The following RAB3GAP2 variants were observed in gnomAD, a reference collection of about 807,000 sequenced individuals.
The protein encoded by RAB3GAP2 is RAB3 GTPase activating non-catalytic protein subunit 2, also known as rab3 GTPase-activating protein non-catalytic subunit.
In RAB3GAP2, 87 loss-of-function variants were observed where a neutral mutation model predicts 185.3. The observed-to-expected ratio is 0.47, with a 90% CI of 0.39 to 0.56. RAB3GAP2 has a LOEUF of 0.56. Among genes scored for constraint, RAB3GAP2 ranks in the 20% least tolerant of loss-of-function variants. RAB3GAP2 has a pLI of 0.00. For synonymous variants in RAB3GAP2, 554 were observed against 576.1 expected, an observed-to-expected ratio of 0.96 and a Z score of 0.55; for missense variants, 1,492 against 1,638.2, an observed-to-expected ratio of 0.91 and a Z score of 1.54.
chr1:220,171,771 G>C, intron 23 of RAB3GAP2, 118 bp downstream of exon 23: 1 of 1,094,102 alleles, frequency 9.1e-7, no homozygotes, highest in Non-Finnish European at 1.4e-6. Flanking sequence ...AAATTAAGGG[G>C]AGCACCTCTC....
intron 1 of RAB3GAP2, among the ~76,000 whole-genome samples, chr1:220,270,839 G>A (rs370136301): frequency 6.6e-6 from 1 of 152,162 alleles, no homozygotes; most frequent in Non-Finnish European, 1.5e-5. Flanking sequence ...TAAACTTTCA[G>A]AGAAACGCCA....
At chr1:220,222,961 T>C (rs1467385924) in intron 2 of RAB3GAP2, among the ~76,000 whole-genome samples, 4 of 152,242 alleles carry the variant, frequency 2.6e-5, no homozygotes, top group Non-Finnish European at 5.9e-5. Context: ...TCATACAAAA[T>C]TCATTTCATA....
intron 1 of RAB3GAP2, chr1:220,265,924 C>T (rs530972969): frequency 6.6e-6 from 1 of 152,164 alleles, no homozygotes; most frequent in South Asian, 2.1e-4. Flanking sequence ...GGCCCTGTCT[C>T]TAAAAAACAA....
chr1:220,271,921 T>TGTGGGG (rs1660341024), intron 1 of RAB3GAP2, among the ~76,000 whole-genome samples: 1 of 40,544 alleles, frequency 2.5e-5, no homozygotes, highest in Non-Finnish European at 4.6e-5. Context: ...GCTAGGAATG[T>TGTGGGG]GTGGGGGTGG....
chr1:220,166,537 C>G (rs1318018988), intron 26 of RAB3GAP2, among the ~76,000 whole-genome samples: 1 of 152,228 alleles, frequency 6.6e-6, no homozygotes, highest in Non-Finnish European at 1.5e-5. Context: ...GCCAGAGATT[C>G]AGTGGCCCTC....
chr1:220,262,209 G>A (rs898839525), intron 1 of RAB3GAP2, among the ~76,000 whole-genome samples: 2 of 152,008 alleles, frequency 1.3e-5, no homozygotes, highest in Non-Finnish European at 2.9e-5. Context: ...GCTGAGGGAG[G>A]AGAATGGTGT....
At chr1:220,222,490 A>C (rs866935586) in intron 2 of RAB3GAP2, among the ~76,000 whole-genome samples, 101 of 152,322 alleles carry the variant, frequency 6.6e-4, no homozygotes, top group African/African-American at 2.4e-3. Flanking sequence ...CAACATAAGG[A>C]AAGACATGAA....
chr1:220,210,653 C>T, intron 6 of RAB3GAP2, 148 bp downstream of exon 6: 2 of 1,017,474 alleles, frequency 2.0e-6, no homozygotes, highest in Non-Finnish European at 3.0e-6. Context: ...CCAGAACTTG[C>T]CACGGCCTAT....
intron 8 of RAB3GAP2, among the ~76,000 whole-genome samples, chr1:220,204,923 T>C (rs1658935273): frequency 6.6e-6 from 1 of 152,164 alleles, no homozygotes; most frequent in South Asian, 2.1e-4. Context: ...TCATCATTTT[T>C]TATGGCTGCA....
At position 220,149,659 on chromosome 1, in the gene RAB3GAP2, C is replaced by G. The variant is rs575102423; in HGVS notation, c.*1592G>C. 6.6e-6 allele frequency: 1 copy of G among 152,332 alleles called. No homozygotes were observed. Among genetic ancestry groups the G allele is most frequent in the East Asian group, 1.9e-4 (1 of 5,192 alleles). The allele number at this position is 152,332 out of a possible 1,614,324, so 9.4% of individuals were successfully genotyped here. A position where few individuals can be genotyped will look rare whatever the true frequency, so the allele number is the denominator to read the frequency against. ...CCCAAGCAGAGGCTGGGAGGTTGGA[C>G]TAGCCCTTTCCAGTGCTGCTACTCT... On this transcript the variant is annotated 3_prime_UTR_variant, in exon 35 of 35. Transcript: ENST00000358951.
chr1:220,241,788 G>C (rs1261795818), intron 1 of RAB3GAP2, among the ~76,000 whole-genome samples: 1 of 151,254 alleles, frequency 6.6e-6, no homozygotes. Flanking sequence ...CTTACCAAAG[G>C]GTTATATTAC....
At chr1:220,251,444 A>G (rs1043403247) in intron 1 of RAB3GAP2, among the ~76,000 whole-genome samples, 2 of 152,238 alleles carry the variant, frequency 1.3e-5, no homozygotes, top group African/African-American at 2.4e-5. Context: ...CAATAGAAAA[A>G]GTTTAAAGAT....
In RAB3GAP2 at chr1:220,269,310, G is replaced by A. The variant is rs538030266; in HGVS notation, c.115+2913C>T. 2.0e-5 allele frequency among the ~76,000 whole-genome samples: 3 copies of A among 152,356 alleles called. No homozygotes were observed. In the South Asian group the frequency reaches 6.2e-4, roughly 32 times the overall value. ...AGAGCGTCTGAAGCATAAGAAATAA[G>A]GGGAGAGGTGTATAAGGTCCAAGAA... is the stretch of plus-strand genomic sequence containing the variant. On this transcript the variant is annotated intron_variant, in intron 1 of 34. Transcript: ENST00000358951.
At chr1:220,254,388 G>A in intron 1 of RAB3GAP2, 1 of 1,613,044 alleles carries the variant, frequency 6.2e-7, no homozygotes, top group Non-Finnish European at 8.5e-7. Context: ...TTGGAGCAAT[G>A]TTGGCCTATA....
rs974158955 is a variant in RAB3GAP2, at chr1:220,251,097, T to A, written c.116-18234A>T. 3.3e-5 allele frequency among the ~76,000 whole-genome samples: 5 copies of A among 152,238 alleles called. No homozygotes were observed. In the East Asian group the frequency reaches 9.6e-4, roughly 29 times the overall value. The stretch of plus-strand genomic sequence containing the variant: ...AGCCATAAAAGGAGGCAAGTATTTC[T>A]GACTAGTTAACATGGTAAAAACAGC... On this transcript the variant is annotated intron_variant, in intron 1 of 34. Coordinates refer to ENST00000358951, the MANE Select transcript of RAB3GAP2 (RefSeq NM_012414.4).
intron 10 of RAB3GAP2, 71 bp from the exon 11 acceptor site, chr1:220,195,448 G>T: frequency 7.3e-7 from 1 of 1,371,332 alleles, no homozygotes; most frequent in Non-Finnish European, 1.0e-6. Context: ...TCTAAATAAA[G>T]CTTACTTTAA....
chr1:220,221,118 C>T (rs1195796834), intron 2 of RAB3GAP2, among the ~76,000 whole-genome samples: 1 of 152,184 alleles, frequency 6.6e-6, no homozygotes, highest in Non-Finnish European at 1.5e-5. Context: ...TTTATTTCTT[C>T]ATATACTGGA....
Position 220,193,229 on chromosome 1 carries a change from G to A in RAB3GAP2, c.1270+11C>T, listed in dbSNP as rs755100337. On this transcript the variant is annotated intron_variant, in intron 13 of 34. Transcript: ENST00000358951. ...GAATTAATTGTTTTTCTGGATTTTT[G>A]TAAGAAGTACCTTTCCACATGCGTA... is the stretch of plus-strand genomic sequence containing the variant. 3.7e-6 allele frequency: 6 copies of A among 1,613,642 alleles called. No individual in the cohort carries two copies. The South Asian group carries it at 5.5e-5, about 15-fold the overall frequency.
In RAB3GAP2 at chr1:220,184,019, A is replaced by G; in HGVS notation, c.1998+17T>C. The G allele has an allele frequency of 6.7e-7, 1 of 1,490,986 alleles. No individual in the cohort carries two copies. 92.4% of individuals were successfully genotyped at this position (1,490,986 alleles called of 1,614,324 possible). A position where few individuals can be genotyped will look rare whatever the true frequency, so the allele number is the denominator to read the frequency against. On this transcript the variant is annotated intron_variant, in intron 19 of 34. Transcript: ENST00000358951. ...AAAGAGATTATTTTATATAATATAA[A>G]ATGTGGGATTACTCACATTATCAGA...
Sources: allele counts gnomAD v4.1 joint callset (sites outside exome capture counted in the v4.1 genomes callset), GRCh38; gene constraint gnomAD v4.1.1; transcripts MANE v1.5; gene names NCBI Gene and HGNC (gene_info 2026-07-23, HGNC 2026-07-21).